Variants in ANKEF1 observed in about 807,000 individuals in gnomAD.
The protein encoded by ANKEF1 is ankyrin repeat and EF-hand domain containing 1, also known as ankyrin repeat and EF-hand domain-containing protein 1.
ANKEF1 carries 43 observed loss-of-function variants against 65.1 expected under a neutral mutation model. That is an observed-to-expected ratio of 0.66 (90% CI 0.52 to 0.85). The LOEUF is 0.85. Among genes scored for constraint, ANKEF1 ranks in the 40% least tolerant of loss-of-function variants. The pLI, the probability that ANKEF1 is intolerant of heterozygous loss-of-function variation, is 0.00. For missense variants in ANKEF1, 934 were observed against 952.9 expected, an observed-to-expected ratio of 0.98 and a Z score of 0.26; for synonymous variants, 316 against 341.5, an observed-to-expected ratio of 0.93 and a Z score of 0.82.
chr20:10,035,913 C>G (rs748271801), intron 2 of ANKEF1, among the ~76,000 whole-genome samples: 3 of 152,236 alleles, frequency 2.0e-5, no homozygotes, highest in Non-Finnish European at 4.4e-5. Flanking sequence ...ACATTCTGCT[C>G]TATTCCACTA....
chr20:10,044,459 A>G lies in ANKEF1; in HGVS notation c.612A>G (p.Ile204Met). 1.9e-6 allele frequency: 3 copies of G among 1,614,114 alleles called. No individual in the cohort carries two copies. Among genetic ancestry groups the G allele is most frequent in the Non-Finnish European group, 2.5e-6 (3 of 1,179,990 alleles). The change falls in exon 5 of 11, where the codon ATA becomes ATG. Residue 204 changes from isoleucine (I) to methionine (M), a missense_variant. Transcript: ENST00000378392. ...REGVVEIVRGILERGGEVNAF... is the reference protein window; with the variant it reads ...REGVVEIVRGMLERGGEVNAF... ...GGGTAGTGGAAATAGTTCGAGGCAT[A>G]TTGGAAAGAGGAGGTGAAGTGAATG...
rs1983749669 is a variant in ANKEF1, at chr20:10,035,035, C to T, written c.-407C>T. 6.5e-6 allele frequency: 1 copy of T among 153,184 alleles called. No homozygotes were observed. Among genetic ancestry groups the T allele is most frequent in the South Asian group, 1.9e-4 (1 of 5,150 alleles). 9.5% of individuals were successfully genotyped at this position (153,184 alleles called of 1,614,324 possible). A position where few individuals can be genotyped will look rare whatever the true frequency, so the allele number is the denominator to read the frequency against. ...GGCGGAAGCTCACAATCAGCCCGGT[C>T]CCTCCGGCTTCCACCCCGCCCCCTG... On this transcript the variant is annotated 5_prime_UTR_variant, in exon 1 of 11. Transcript: ENST00000378392.
At position 10,038,624 on chromosome 20, in the gene ANKEF1, C is replaced by T; in HGVS notation, c.323C>T (p.Thr108Ile). The T allele has an allele frequency of 1.3e-6, 2 of 1,598,868 alleles. No homozygotes were observed. Among genetic ancestry groups the T allele is most frequent in the Non-Finnish European group, 1.7e-6 (2 of 1,168,562 alleles). The change falls in exon 3 of 11, where the codon ACT becomes ATT. Residue 108 changes from threonine to isoleucine, a missense_variant. By Grantham distance (89) the Thr-to-Ile change is moderately conservative. Transcript: ENST00000378392. ...EILAKAKADM[T>I]IVDNEGKGVL... Reference sequence around the variant, plus strand: ...TTAGCAAAGGCAAAGGCTGATATGACTATAGTTGATAATGAAGGAAAAGGT... The same window carrying T: ...TTAGCAAAGGCAAAGGCTGATATGATTATAGTTGATAATGAAGGAAAAGGT...
At chr20:10,051,950 G>A in intron 8 of ANKEF1, 61 bp downstream of exon 8, 2 of 1,288,194 alleles carry the variant, frequency 1.6e-6, no homozygotes, top group Admixed American at 4.3e-5. Context: ...TAGATTCTAA[G>A]CCCCTTCTGA....
At chr20:10,037,846 C>T (rs1466684004) in intron 2 of ANKEF1, among the ~76,000 whole-genome samples, 2 of 152,180 alleles carry the variant, frequency 1.3e-5, no homozygotes, top group Non-Finnish European at 1.5e-5. Context: ...ATGAACACCT[C>T]AAAATTATAT....
chr20:10,042,407 G>C (rs1236673241), intron 3 of ANKEF1, among the ~76,000 whole-genome samples: 2 of 151,708 alleles, frequency 1.3e-5, no homozygotes, highest in African/African-American at 4.8e-5. Flanking sequence ...GAATGAACTC[G>C]TTACAAAGTC....
At chr20:10,035,882 G>A (rs909588591) in intron 2 of ANKEF1, among the ~76,000 whole-genome samples, 4 of 152,126 alleles carry the variant, frequency 2.6e-5, no homozygotes, top group East Asian at 3.8e-4. Context: ...TTCAGACCCC[G>A]AACATGGACC....
At chr20:10,046,837 A>T (rs1038754287) in intron 6 of ANKEF1, among the ~76,000 whole-genome samples, 3 of 152,236 alleles carry the variant, frequency 2.0e-5, no homozygotes, top group African/African-American at 7.2e-5. Flanking sequence ...TAAAACTAAC[A>T]TGCCCGCATA....
In ANKEF1 at chr20:10,043,212, C is replaced by T. The variant is rs1461052495; in HGVS notation, c.437C>T (p.Thr146Ile). The stretch of plus-strand genomic sequence containing the variant: ...CATGGTGCAGATGTCAACAATTCTA[C>T]CTATGAAGGAAAGCCAATATTCCTT... The part of the protein sequence containing the change: ...LEHGADVNNS[T>I]YEGKPIFLRA... Residue 146 changes from threonine to isoleucine, a missense_variant, in exon 4 of 11, where the codon ACC becomes ATC. Physicochemically the swap from Thr to Ile is moderately conservative, Grantham distance 89. Coordinates refer to ENST00000378392, the MANE Select transcript of ANKEF1 (RefSeq NM_022096.6). 6.2e-7 allele frequency: 1 copy of T among 1,614,116 alleles called. No homozygotes were observed. Among genetic ancestry groups the T allele is most frequent in the South Asian group, 1.1e-5 (1 of 91,080 alleles).
chr20:10,052,089 A>G (rs1984896759), intron 8 of ANKEF1, among the ~76,000 whole-genome samples, 200 bp downstream of exon 8: 1 of 152,150 alleles, frequency 6.6e-6, no homozygotes, highest in African/African-American at 2.4e-5. Context: ...CCAATTCTTT[A>G]TGTTTATAAT....
chr20:10,053,538 A>G (rs1037773785), intron 9 of ANKEF1, among the ~76,000 whole-genome samples: 1 of 152,188 alleles, frequency 6.6e-6, no homozygotes, highest in Non-Finnish European at 1.5e-5. Flanking sequence ...AGAATGTTGA[A>G]AAAGAAAACC....
At chr20:10,043,583 A>G (rs769460317) in intron 4 of ANKEF1, among the ~76,000 whole-genome samples, 6 of 150,688 alleles carry the variant, frequency 4.0e-5, no homozygotes, top group Non-Finnish European at 7.4e-5. Context: ...GGCATTGCTG[A>G]TGCCTAATAG....
chr20:10,044,396 C>T lies in ANKEF1; in HGVS notation c.549C>T (p.Ser183=), dbSNP rs765309622. The T allele has an allele frequency of 1.7e-5, 27 of 1,613,748 alleles. No homozygotes were observed. The highest frequency in any genetic ancestry group is 2.3e-5 in the Non-Finnish European group (27 of 1,179,814). Residue 183 remains serine, a splice_region_variant and synonymous_variant, in exon 5 of 11, where the codon TCC becomes TCT. Transcript: ENST00000378392. ...ATATTGGACTATTTCATGTCCAGTC[C>T]ACAGGCCGCACAGCTTTAATGGAAG... ...KGANPNAINS[S]TGRTALMEAS...
chr20:10,050,058 A>G lies in ANKEF1; in HGVS notation c.1489A>G (p.Asn497Asp). The G allele has an allele frequency of 6.2e-7, 1 of 1,614,148 alleles. No homozygotes were observed. Among genetic ancestry groups the G allele is most frequent in the Non-Finnish European group, 8.5e-7 (1 of 1,180,012 alleles). The change falls in exon 7 of 11, where the codon AAT (asparagine) becomes GAT (aspartate). Residue 497 changes from asparagine to aspartate, a missense_variant. Asn to Asp is a conservative substitution (Grantham distance 23). Transcript: ENST00000378392. ...TTCAGAGAAGGTATTTTCAAACATT[A>G]ATATTATCACCAAAGCAGGGGATCT... ...DDSEKVFSNI[N>D]IITKAGDLAS... is the part of the protein sequence containing the mutation.
intron 6 of ANKEF1, among the ~76,000 whole-genome samples, chr20:10,048,525 C>T (rs1215392282): frequency 2.0e-5 from 3 of 151,664 alleles, no homozygotes; most frequent in African/African-American, 7.3e-5. Context: ...ATTTTTTTAC[C>T]CATCGTATAC....
chr20:10,051,484 T>C (rs1248034236), intron 7 of ANKEF1, among the ~76,000 whole-genome samples, 179 bp from the exon 8 acceptor site: 2 of 152,208 alleles, frequency 1.3e-5, no homozygotes, highest in Non-Finnish European at 2.9e-5. Context: ...AATGTAGATA[T>C]ACACAAAGAA....
intron 5 of ANKEF1, 72 bp downstream of exon 5, chr20:10,044,615 T>G: frequency 6.5e-7 from 1 of 1,534,954 alleles, no homozygotes; most frequent in Non-Finnish European, 8.9e-7. Context: ...TTTTTTTATA[T>G]GTCATATAGA....
In ANKEF1 at chr20:10,043,576, A is replaced by C. The variant is rs1399597903; in HGVS notation, c.546+255A>C. Among the ~76,000 whole-genome samples, 28 of 150,850 alleles carry C rather than the reference A, an allele frequency of 1.9e-4. 1 individual carries two copies. Among genetic ancestry groups the C allele is most frequent in the Admixed American group, 1.9e-3 (28 of 15,130 alleles). Reference sequence around the variant, plus strand: ...ATTATAGGAAATAGTAAAAAAAGGCATTGCTGATGCCTAATAGGATTTATC... The same window carrying C: ...ATTATAGGAAATAGTAAAAAAAGGCCTTGCTGATGCCTAATAGGATTTATC... On this transcript the variant is annotated intron_variant, in intron 4 of 10. Transcript: ENST00000378392.
At chr20:10,046,438 TG>T (rs1288799083) in intron 6 of ANKEF1, among the ~76,000 whole-genome samples, 1 of 152,112 alleles carries the variant, frequency 6.6e-6, no homozygotes, top group Non-Finnish European at 1.5e-5. Context: ...GAAAATAATT[TG>T]GGGGAAAACA....
Sources: gnomAD v4.1 joint callset for allele counts (sites outside exome capture counted in the v4.1 genomes callset) on GRCh38, gnomAD v4.1.1 for gene constraint, MANE v1.5 for transcripts, NCBI Gene and HGNC (gene_info 2026-07-23, HGNC 2026-07-21) for gene names.